Variants in TDRD5 observed in about 807,000 individuals in gnomAD.
TDRD5 encodes the protein tudor domain-containing protein 5.
In TDRD5, 41 loss-of-function variants were observed where a neutral mutation model predicts 120.6. The observed-to-expected ratio is 0.34, with a 90% CI of 0.26 to 0.44. The LOEUF (loss-of-function observed/expected upper bound fraction) is 0.44, where lower values mean the gene tolerates loss of function less well. Among genes scored for constraint, TDRD5 ranks in the 20% least tolerant of loss-of-function variants. TDRD5 has a pLI of 1.00. For missense variants in TDRD5, 1,006 were observed against 1,221.2 expected (o/e 0.82, Z 2.63); for synonymous variants, 430 against 433.7 (o/e 0.99, Z 0.11).
Position 179,691,016 on chromosome 1 carries a change from G to A in TDRD5, c.*73G>A. 2.0e-6 allele frequency: 3 copies of A among 1,525,776 alleles called. No individual in the cohort carries two copies. The highest frequency in any genetic ancestry group is 2.6e-6 in the Non-Finnish European group (3 of 1,143,744). 94.5% of individuals were successfully genotyped at this position (1,525,776 alleles called of 1,614,324 possible). A position where few individuals can be genotyped will look rare whatever the true frequency, so the allele number is the denominator to read the frequency against. On this transcript the variant is annotated 3_prime_UTR_variant, in exon 18 of 18. Coordinates refer to ENST00000444136, the MANE Select transcript of TDRD5 (RefSeq NM_001199085.3). ...TGATGAACTCCCAGGCCAAAATGAG[G>A]AGTTATTGAAGCAAAATAGTATCTT...
intron 4 of TDRD5, among the ~76,000 whole-genome samples, chr1:179,604,872 G>GTA (rs1457852584): frequency 6.6e-5 from 10 of 152,196 alleles, no homozygotes; most frequent in African/African-American, 2.4e-4. Context: ...GAAATGTTCT[G>GTA]TATATATCTG....
At position 179,638,154 on chromosome 1, in the gene TDRD5, A is replaced by ACTCTGTTGCTAGAGAAAAGGGAAAGAGG. The variant is rs1572381991; in HGVS notation, c.1521-1685_1521-1684insCTCTGTTGCTAGAGAAAAGGGAAAGAGG. Among the ~76,000 whole-genome samples, 36 of 64,932 alleles carry ACTCTGTTGCTAGAGAAAAGGGAAAGAGG rather than the reference A, an allele frequency of 5.5e-4. 2 individuals are homozygous for ACTCTGTTGCTAGAGAAAAGGGAAAGAGG. The highest frequency in any genetic ancestry group is 9.9e-4 in the South Asian group (2 of 2,026). 42.6% of individuals were successfully genotyped at this position (64,932 alleles called of 152,430 possible). On this transcript the variant is annotated intron_variant, in intron 9 of 17. Coordinates refer to ENST00000444136, the MANE Select transcript of TDRD5 (RefSeq NM_001199085.3). ...AAAGCTAGATTCTGAATACCATGGG[A>ACTCTGTTGCTAGAGAAAAGGGAAAGAGG]AGATGTTTTCTCTTATTCTGGGGAA... is the stretch of plus-strand genomic sequence containing the variant.
chr1:179,608,736 T>G (rs948400468), intron 4 of TDRD5, among the ~76,000 whole-genome samples: 12 of 120,078 alleles, frequency 1.0e-4, no homozygotes, highest in African/African-American at 2.0e-4. Flanking sequence ...GCCATTTCTG[T>G]TTTTTTTTTC....
chr1:179,656,071 A>C (rs1041510592), intron 14 of TDRD5, among the ~76,000 whole-genome samples: 1 of 152,222 alleles, frequency 6.6e-6, no homozygotes, highest in South Asian at 2.1e-4. Flanking sequence ...ATAATATATG[A>C]GTTCCAGTTG....
intron 4 of TDRD5, among the ~76,000 whole-genome samples, chr1:179,611,865 T>G (rs1316990084): frequency 6.6e-6 from 1 of 152,104 alleles, no homozygotes; most frequent in Non-Finnish European, 1.5e-5. Flanking sequence ...CAGTTGAAGT[T>G]TTTGCCACCA....
intron 4 of TDRD5, among the ~76,000 whole-genome samples, chr1:179,604,664 T>C (rs1173096942): frequency 6.6e-6 from 1 of 152,052 alleles, no homozygotes; most frequent in Non-Finnish European, 1.5e-5. Flanking sequence ...CAGGTAATTT[T>C]CCATGTATTT....
chr1:179,683,451 AAAT>A (rs1340823899), intron 17 of TDRD5, among the ~76,000 whole-genome samples: 4 of 152,142 alleles, frequency 2.6e-5, no homozygotes, highest in African/African-American at 9.7e-5. Context: ...ATTTAATTAA[AAAT>A]TATTCTTTTT....
intron 9 of TDRD5, 72 bp downstream of exon 9, chr1:179,635,959 C>T (rs1572379149): frequency 2.1e-6 from 3 of 1,398,874 alleles, no homozygotes; most frequent in Non-Finnish European, 2.9e-6. Context: ...ATTTCGGTTT[C>T]AGGACTCTTA....
intron 11 of TDRD5, among the ~76,000 whole-genome samples, chr1:179,642,212 T>A (rs1474900116): frequency 1.3e-5 from 2 of 152,110 alleles, no homozygotes; most frequent in Non-Finnish European, 2.9e-5. Context: ...GCAATTCTCC[T>A]GCCTCAGCCT....
At chr1:179,647,015 G>A (rs1036495786) in intron 11 of TDRD5, among the ~76,000 whole-genome samples, 23 of 150,224 alleles carry the variant, frequency 1.5e-4, no homozygotes, top group Admixed American at 1.3e-3. Flanking sequence ...CATGAAAATG[G>A]CCATACTGCC....
chr1:179,668,298 A>G (rs1317781122), intron 16 of TDRD5, among the ~76,000 whole-genome samples: 1 of 152,122 alleles, frequency 6.6e-6, no homozygotes, highest in Non-Finnish European at 1.5e-5. Flanking sequence ...CTAGCTGCAC[A>G]CACACAGTTT....
chr1:179,600,435 G>A (rs938511086), intron 4 of TDRD5, among the ~76,000 whole-genome samples: 3 of 152,128 alleles, frequency 2.0e-5, no homozygotes, highest in African/African-American at 7.2e-5. Flanking sequence ...GCAATAAGCT[G>A]TACCATATAT....
chr1:179,614,255 C>A (rs193121169), intron 4 of TDRD5, among the ~76,000 whole-genome samples: 1 of 152,138 alleles, frequency 6.6e-6, no homozygotes, highest in Non-Finnish European at 1.5e-5. Context: ...TTATGCATTG[C>A]GAATGTGCCA....
chr1:179,615,361 G>T (rs949312825), intron 4 of TDRD5, among the ~76,000 whole-genome samples: 1 of 152,084 alleles, frequency 6.6e-6, no homozygotes, highest in African/African-American at 2.4e-5. Flanking sequence ...TAACGTGTAT[G>T]TATTTGAGGT....
chr1:179,653,973 A>G (rs1678857301), intron 13 of TDRD5, among the ~76,000 whole-genome samples: 1 of 152,152 alleles, frequency 6.6e-6, no homozygotes, highest in Non-Finnish European at 1.5e-5. Flanking sequence ...TCATCTTTGT[A>G]TTCACAGAGC....
At chr1:179,599,518 T>C (rs1675582041) in intron 4 of TDRD5, among the ~76,000 whole-genome samples, 1 of 152,042 alleles carries the variant, frequency 6.6e-6, no homozygotes, top group Admixed American at 6.6e-5. Context: ...ATAGGGCTAT[T>C]TTGTATTTTA....
intron 14 of TDRD5, among the ~76,000 whole-genome samples, chr1:179,656,080 T>G (rs548161680): frequency 6.6e-6 from 1 of 152,352 alleles, no homozygotes; most frequent in East Asian, 1.9e-4. Flanking sequence ...GAGTTCCAGT[T>G]GCTCCATTTT....
At chr1:179,627,351 G>A (rs566788891) in intron 6 of TDRD5, among the ~76,000 whole-genome samples, 1 of 152,110 alleles carries the variant, frequency 6.6e-6, no homozygotes, top group African/African-American at 2.4e-5. Context: ...ATGAGGGTTG[G>A]GGGGAGAGAA....
At chr1:179,677,776 C>CT (rs1462461784) in intron 17 of TDRD5, among the ~76,000 whole-genome samples, 1 of 152,136 alleles carries the variant, frequency 6.6e-6, no homozygotes, top group Non-Finnish European at 1.5e-5. Context: ...GAAGTGGACT[C>CT]TTTGAGGGTC....
Sources: allele counts gnomAD v4.1 joint callset (sites outside exome capture counted in the v4.1 genomes callset), GRCh38; gene constraint gnomAD v4.1.1; transcripts MANE v1.5; gene names NCBI Gene and HGNC (gene_info 2026-07-23, HGNC 2026-07-21).